The following FANCB variants were observed in gnomAD, a reference collection of about 807,000 sequenced individuals.
The protein encoded by FANCB is FA complementation group B, also known as Fanconi anemia group B protein.
A neutral mutation model predicts 38.9 loss-of-function variants in FANCB; 5 were observed. The ratio of observed to expected loss-of-function variants is 0.13; its 90% CI spans 0.07 to 0.27. The LOEUF is 0.27. FANCB is among the 10% of genes least tolerant of loss of function. The pLI is 1.00. For synonymous variants in FANCB, 236 were observed against 215.4 expected (o/e 1.10, Z -0.84); for missense variants, 573 against 602.7 (o/e 0.95, Z 0.52).
the FANCB span, among the ~76,000 whole-genome samples, chrX:14,826,226 A>G: frequency 3.6e-5 from 4 of 111,962 alleles, no homozygotes; most frequent in Non-Finnish European, 5.6e-5. Context: ...AGCCTCCTCC[A>G]TATTTTAATC....
the FANCB span, among the ~76,000 whole-genome samples, chrX:14,712,876 A>G: frequency 2.7e-5 from 3 of 111,686 alleles, no homozygotes; most frequent in African/African-American, 9.8e-5. Flanking sequence ...GACCCCAATG[A>G]TTCCCAAAAG....
the FANCB span, among the ~76,000 whole-genome samples, chrX:14,744,608 T>C: frequency 1.2e-5 from 1 of 83,561 alleles, no homozygotes; most frequent in Non-Finnish European, 2.4e-5. Context: ...TGCCTTCCCT[T>C]TCCCCTCAGG....
At chrX:14,825,482 C>T in the FANCB span, among the ~76,000 whole-genome samples, 5 of 111,953 alleles carry the variant, frequency 4.5e-5, no homozygotes, top group African/African-American at 1.6e-4. Context: ...CAGCTAAACT[C>T]ATTCATTGTT....
chrX:14,787,876 A>AATATATATATATAT, the FANCB span, among the ~76,000 whole-genome samples: 9 of 41,676 alleles, frequency 2.2e-4, no homozygotes, highest in Non-Finnish European at 3.1e-4. Flanking sequence ...TTAAAAATAG[A>AATATATATATATAT]ATATATATAT....
At chrX:14,860,965 C>A (rs777510084) in intron 3 of FANCB, among the ~76,000 whole-genome samples, 2 of 111,087 alleles carry the variant, frequency 1.8e-5, no homozygotes, top group Non-Finnish European at 3.8e-5. Flanking sequence ...TCACTACAGC[C>A]TTGAACTCCT....
intron 3 of FANCB, among the ~76,000 whole-genome samples, chrX:14,860,240 A>G (rs1372575738): frequency 8.9e-6 from 1 of 112,026 alleles, no homozygotes; most frequent in African/African-American, 3.2e-5. Flanking sequence ...GGTAGCTCAC[A>G]TTAGAGCAAG....
the FANCB span, among the ~76,000 whole-genome samples, chrX:14,791,291 G>A: frequency 9.0e-6 from 1 of 111,403 alleles, no homozygotes; most frequent in African/African-American, 3.3e-5. Context: ...TTATAAAAGA[G>A]GAAAATTTGG....
At chrX:14,698,937 C>T in the FANCB span, among the ~76,000 whole-genome samples, 1 of 111,016 alleles carries the variant, frequency 9.0e-6, no homozygotes, top group African/African-American at 3.3e-5. Flanking sequence ...ACTGAGCAAT[C>T]AAGTTATCAA....
chrX:14,832,383 C>G (rs1293425756), downstream of FANCB, among the ~76,000 whole-genome samples: 1 of 111,475 alleles, frequency 9.0e-6, no homozygotes, highest in Non-Finnish European at 1.9e-5. Context: ...TGCAGCCCAC[C>G]CTACTCCAGT....
the FANCB span, among the ~76,000 whole-genome samples, chrX:14,821,592 C>T: frequency 8.9e-6 from 1 of 112,024 alleles, no homozygotes; most frequent in Non-Finnish European, 1.9e-5. Context: ...TAATTTATGA[C>T]ATATATAACC....
chrX:14,810,885 T>C, the FANCB span, among the ~76,000 whole-genome samples: 8 of 110,909 alleles, frequency 7.2e-5, no homozygotes, highest in Admixed American at 7.6e-4. Context: ...AAAATTGAAA[T>C]GAAGGAAAAA....
At chrX:14,785,874 G>A in the FANCB span, among the ~76,000 whole-genome samples, 1 of 111,643 alleles carries the variant, frequency 9.0e-6, no homozygotes, top group Non-Finnish European at 1.9e-5. Flanking sequence ...CTGGCAAGCT[G>A]GTGGGTGATT....
the FANCB span, chrX:14,730,483 T>C: frequency 8.4e-7 from 1 of 1,194,674 alleles, no homozygotes; most frequent in Non-Finnish European, 1.1e-6. Context: ...CCACAAGAAA[T>C]AGATGTGCCC....
At chrX:14,704,882 T>C in the FANCB span, among the ~76,000 whole-genome samples, 1 of 111,877 alleles carries the variant, frequency 8.9e-6, no homozygotes, top group African/African-American at 3.2e-5. Context: ...AGAAAAAAAG[T>C]ACAAAAATGT....
At chrX:14,809,901 AC>A in the FANCB span, among the ~76,000 whole-genome samples, 1 of 111,771 alleles carries the variant, frequency 8.9e-6, no homozygotes, top group Non-Finnish European at 1.9e-5. Context: ...CTGACCCCTG[AC>A]CCCCAAGCAG....
At chrX:14,808,361 C>T in the FANCB span, among the ~76,000 whole-genome samples, 1 of 111,378 alleles carries the variant, frequency 9.0e-6, no homozygotes, top group African/African-American at 3.3e-5. Context: ...AAAAATCATT[C>T]GTGATGACCA....
chrX:14,690,846 A>G, the FANCB span: 1 of 1,209,663 alleles, frequency 8.3e-7, no homozygotes, highest in Non-Finnish European at 1.1e-6. Flanking sequence ...AGAAGACAGA[A>G]GAGGCAGAAT....
the FANCB span, among the ~76,000 whole-genome samples, chrX:14,707,776 ACG>A: frequency 8.0e-5 from 7 of 87,231 alleles, no homozygotes; most frequent in African/African-American, 3.2e-4. Context: ...GTGTGTGTGC[ACG>A]CGCGCGTGTT....
chrX:14,831,399 CT>C (rs1331377955), downstream of FANCB, among the ~76,000 whole-genome samples: 2 of 111,765 alleles, frequency 1.8e-5, no homozygotes, highest in African/African-American at 6.5e-5. Context: ...TAAATTATAC[CT>C]GTGAACACTG....
Sources: allele counts gnomAD v4.1 joint callset (sites outside exome capture counted in the v4.1 genomes callset), GRCh38; gene constraint gnomAD v4.1.1; transcripts MANE v1.5; gene names NCBI Gene and HGNC (gene_info 2026-07-23, HGNC 2026-07-21).